NPNT: variants seen among roughly 807,000 people sequenced by gnomAD.
NPNT encodes the protein preosteoblast EGF-like repeat protein with MAM domain.
In NPNT, 45 loss-of-function variants were observed where a neutral mutation model predicts 68.6. That is an observed-to-expected ratio of 0.66 (90% CI 0.52 to 0.84). NPNT has a LOEUF of 0.84. Ranked by LOEUF, NPNT falls within the 40% of genes least tolerant of loss-of-function variation. NPNT has a pLI of 0.00. For synonymous variants in NPNT, 233 were observed against 253.3 expected (o/e 0.92, Z 0.76); for missense variants, 672 against 714.8 (o/e 0.94, Z 0.68).
chr4:105,927,812 A>G (rs1017415114), intron 3 of NPNT, among the ~76,000 whole-genome samples: 1 of 152,146 alleles, frequency 6.6e-6, no homozygotes, highest in Non-Finnish European at 1.5e-5. Flanking sequence ...AGGGGATTTG[A>G]TTTGAAATTT....
At chr4:105,910,747 A>G (rs1727298046) in intron 2 of NPNT, among the ~76,000 whole-genome samples, 1 of 152,164 alleles carries the variant, frequency 6.6e-6, no homozygotes, top group Admixed American at 6.5e-5. Flanking sequence ...GTATATATTG[A>G]TACCATAAAA....
chr4:105,936,177 A>G (rs745601467), intron 3 of NPNT, among the ~76,000 whole-genome samples: 16 of 152,238 alleles, frequency 1.1e-4, no homozygotes, highest in African/African-American at 3.1e-4. Context: ...ACTTAAACCA[A>G]TAAACCTGAA....
At chr4:105,906,509 A>AGAT (rs1726910356) in intron 2 of NPNT, among the ~76,000 whole-genome samples, 1 of 152,224 alleles carries the variant, frequency 6.6e-6, no homozygotes, top group South Asian at 2.1e-4. Context: ...ACGTTCAGCT[A>AGAT]GATACAGCCC....
chr4:105,958,697 TA>T, intron 9 of NPNT, 140 bp downstream of exon 9: 1 of 533,844 alleles, frequency 1.9e-6, no homozygotes. Flanking sequence ...TCTTTGTAGT[TA>T]AATCAGTTGA....
rs1726082505 is a variant in NPNT at position 105,898,328 on chromosome 4, G to GTGTC, written c.172+328_172+329insGTCT. ...TCTCTCTCTGTCTCTCTCTCTCTCT[G>GTGTC]TCTCTCTCTCTCTCTCTCTCTCTCT... On this transcript the variant is annotated intron_variant, in intron 2 of 11. Coordinates refer to ENST00000379987, the MANE Select transcript of NPNT (RefSeq NM_001033047.3). Among the ~76,000 whole-genome samples, 3 of 53,984 alleles carry GTGTC rather than the reference G, an allele frequency of 5.6e-5. No individual in the cohort carries two copies. The South Asian group carries it at 2.5e-3, about 45-fold the overall frequency. 35.4% of individuals were successfully genotyped at this position (53,984 alleles called of 152,430 possible).
At chr4:105,961,876 G>T (rs1168719196) in intron 10 of NPNT, among the ~76,000 whole-genome samples, 1 of 152,162 alleles carries the variant, frequency 6.6e-6, no homozygotes, top group Admixed American at 6.5e-5. Flanking sequence ...CCAAACTACG[G>T]TTGACTCAAA....
In NPNT at chr4:105,898,010, C is replaced by T. The variant is rs759671527; in HGVS notation, c.172+9C>T. The T allele has an allele frequency of 1.9e-6, 3 of 1,585,532 alleles. No individual in the cohort carries two copies. In the South Asian group the frequency reaches 3.4e-5, roughly 18 times the overall value. The stretch of plus-strand genomic sequence containing the variant: ...TTGGGGACAGTGTCAGCGTGAGTAT[C>T]AAGCCTGGGGACTTCAGTTCCCTGG... On this transcript the variant is annotated intron_variant, in intron 2 of 11. Transcript: ENST00000379987.
rs2149415047 is a variant in NPNT, at chr4:105,967,230, G to A, written c.1388G>A (p.Gly463Glu). 1 of 1,613,952 alleles carries A rather than the reference G, an allele frequency of 6.2e-7. No individual in the cohort carries two copies. Among genetic ancestry groups the A allele is most frequent in the African/African-American group, 1.3e-5 (1 of 75,048 alleles). ...GTGTCGGCAGCCAAAGCCCCAGGGG[G>A]AAAAGCTGCACGCTTGGTGCTACCT... ...LTVSAAKAPG[G>E]KAARLVLPLG... Residue 463 changes from glycine (G) to glutamate (E), a missense_variant, in exon 11 of 12, where the codon GGA (glycine) becomes GAA (glutamate). Coordinates refer to ENST00000379987, the MANE Select transcript of NPNT (RefSeq NM_001033047.3).
At position 105,967,242 on chromosome 4, in the gene NPNT, G is replaced by A. The variant is rs1029664996; in HGVS notation, c.1400G>A (p.Arg467His). ...AAKAPGGKAA[R>H]LVLPLGRLMH... ...AAAGCCCCAGGGGGAAAAGCTGCAC[G>A]CTTGGTGCTACCTCTCGGCCGCCTC... is the stretch of plus-strand genomic sequence containing the variant. Residue 467 changes from arginine to histidine, a missense_variant, in exon 11 of 12, where the codon CGC becomes CAC. Arg to His is a conservative substitution (Grantham distance 29). Transcript: ENST00000379987. 4.3e-6 allele frequency: 7 copies of A among 1,613,882 alleles called. No individual in the cohort carries two copies. Among genetic ancestry groups the A allele is most frequent in the African/African-American group, 4.0e-5 (3 of 74,922 alleles).
chr4:105,930,961 G>A (rs1197608364), intron 3 of NPNT, among the ~76,000 whole-genome samples: 8 of 152,148 alleles, frequency 5.3e-5, no homozygotes, highest in Admixed American at 4.6e-4. Flanking sequence ...ACCTAGAACT[G>A]TTAGGAAATT....
At chr4:105,953,706 A>G (rs192655121) in intron 8 of NPNT, among the ~76,000 whole-genome samples, 1 of 152,346 alleles carries the variant, frequency 6.6e-6, no homozygotes, top group East Asian at 1.9e-4. Flanking sequence ...TTGCCACCAG[A>G]AACAGCCTTC....
chr4:105,967,269 T>A lies in NPNT; in HGVS notation c.1427T>A (p.Met476Lys), dbSNP rs35488797. ...ARLVLPLGRL[M>K]HSGDLCLSFR... ...TTGGTGCTACCTCTCGGCCGCCTCA[T>A]GCATTCAGGGGACCTGTGCCTGTCA... Residue 476 changes from methionine to lysine, a missense_variant, in exon 11 of 12, where the codon ATG becomes AAG. Coordinates refer to ENST00000379987, the MANE Select transcript of NPNT (RefSeq NM_001033047.3). 7 of 1,613,928 alleles carry A rather than the reference T, an allele frequency of 4.3e-6. No individual in the cohort carries two copies. The Admixed American group carries it at 5.0e-5, about 12-fold the overall frequency.
chr4:105,907,659 T>A (rs560131868), intron 2 of NPNT, among the ~76,000 whole-genome samples: 1 of 152,262 alleles, frequency 6.6e-6, no homozygotes, highest in African/African-American at 2.4e-5. Flanking sequence ...TAGTAGCATA[T>A]TGATGGTGCA....
intron 2 of NPNT, among the ~76,000 whole-genome samples, chr4:105,921,324 G>T (rs755508131): frequency 2.6e-5 from 4 of 152,050 alleles, no homozygotes; most frequent in African/African-American, 4.8e-5. Flanking sequence ...ATGGAACTGG[G>T]ATAAGACATT....
At chr4:105,914,488 G>A (rs1727641448) in intron 2 of NPNT, among the ~76,000 whole-genome samples, 1 of 137,752 alleles carries the variant, frequency 7.3e-6, no homozygotes, top group Non-Finnish European at 1.5e-5. Context: ...TATAGAGAGA[G>A]AGATAATGGA....
intron 7 of NPNT, 139 bp downstream of exon 7, chr4:105,940,775 C>A: frequency 1.3e-6 from 1 of 764,132 alleles, no homozygotes; most frequent in Non-Finnish European, 2.1e-6. Flanking sequence ...CTTTGATTTC[C>A]ACAAACAATA....
At position 105,931,705 on chromosome 4, in the gene NPNT, T is replaced by G. The variant is rs971583897; in HGVS notation, c.265+4277T>G. On this transcript the variant is annotated intron_variant, in intron 3 of 11. Coordinates refer to ENST00000379987, the MANE Select transcript of NPNT (RefSeq NM_001033047.3). ...AAAAAAAAAAATTAGCCAGGCATGG[T>G]GGCAGGTGCCTGTAGTTCCAGCTAC... Among the ~76,000 whole-genome samples, 22 of 145,800 alleles carry G rather than the reference T, an allele frequency of 1.5e-4. No individual in the cohort carries two copies. In the South Asian group the frequency reaches 2.4e-3, roughly 16 times the overall value.
chr4:105,931,755 G>A (rs1048494914), intron 3 of NPNT, among the ~76,000 whole-genome samples: 7 of 151,972 alleles, frequency 4.6e-5, no homozygotes, highest in Admixed American at 3.9e-4. Flanking sequence ...CAGGAGAATG[G>A]TGTGAACGTG....
At position 105,942,554 on chromosome 4, in the gene NPNT, G is replaced by C. The variant is rs1255081358; in HGVS notation, c.1011G>C (p.Glu337Asp). The C allele has an allele frequency of 1.2e-6, 2 of 1,613,724 alleles. No homozygotes were observed. The highest frequency in any genetic ancestry group is 2.7e-5 in the African/African-American group (2 of 74,950). The change falls in exon 8 of 12, where the codon GAG becomes GAC. Residue 337 changes from glutamate (E) to aspartate (D), a missense_variant. By Grantham distance (45) the Glu-to-Asp change is conservative. Transcript: ENST00000379987. Reference sequence around the variant, plus strand: ...CACCACCACCACCCCTGCCAACAGAGCTCAGAACACCTCTACCACCTACAA... The same window carrying C: ...CACCACCACCACCCCTGCCAACAGACCTCAGAACACCTCTACCACCTACAA... The part of the protein sequence containing the change: ...TPPPPPPLPT[E>D]LRTPLPPTTP...
Sources: allele counts gnomAD v4.1 joint callset (sites outside exome capture counted in the v4.1 genomes callset), GRCh38; gene constraint gnomAD v4.1.1; transcripts MANE v1.5; gene names NCBI Gene and HGNC (gene_info 2026-07-23, HGNC 2026-07-21).